The following CNGB3 variants were observed in gnomAD, a reference collection of about 807,000 sequenced individuals.
CNGB3 encodes cyclic nucleotide gated channel subunit beta 3.
Under a neutral mutation model 92.8 loss-of-function variants are expected in CNGB3, and 86 were observed. That is an observed-to-expected ratio of 0.93 (90% CI 0.78 to 1.11). The LOEUF (loss-of-function observed/expected upper bound fraction) is 1.11. CNGB3 is among the 50% of genes least tolerant of loss of function. The pLI is 0.00. For synonymous variants in CNGB3, 333 were observed against 332.7 expected, an observed-to-expected ratio of 1.00 and a Z score of -0.01; for missense variants, 1,026 against 956.8, an observed-to-expected ratio of 1.07 and a Z score of -0.95.
intron 3 of CNGB3, among the ~76,000 whole-genome samples, chr8:86,700,500 G>A (rs781730303): frequency 2.0e-5 from 3 of 152,064 alleles, no homozygotes; most frequent in Non-Finnish European, 4.4e-5. Context: ...AATGTCTCTT[G>A]GTTACAATTA....
At chr8:86,697,265 C>G (rs187615888) in intron 3 of CNGB3, among the ~76,000 whole-genome samples, 86 of 152,288 alleles carry the variant, frequency 5.6e-4, no homozygotes, top group African/African-American at 2.0e-3. Context: ...CAATTTACTA[C>G]TCTTTATTCC....
intron 14 of CNGB3, 79 bp from the exon 15 acceptor site, chr8:86,604,290 T>G: frequency 1.1e-6 from 1 of 912,212 alleles, no homozygotes; most frequent in South Asian, 1.4e-5. Context: ...ATATAAATTC[T>G]TTTAGAGGAG....
intron 7 of CNGB3, among the ~76,000 whole-genome samples, chr8:86,648,382 A>T (rs1389981028): frequency 2.0e-5 from 3 of 151,186 alleles, no homozygotes; most frequent in Admixed American, 6.6e-5. Context: ...ACTCTTGTCT[A>T]CTTCGAACCA....
At chr8:86,661,744 A>G in intron 6 of CNGB3, 3 of 1,581,936 alleles carry the variant, frequency 1.9e-6, no homozygotes, top group Non-Finnish European at 2.6e-6. Context: ...CTAGCATCTC[A>G]AACATCCAGG....
intron 7 of CNGB3, among the ~76,000 whole-genome samples, chr8:86,651,548 C>A (rs1823403889): frequency 6.6e-6 from 1 of 151,820 alleles, no homozygotes; most frequent in Non-Finnish European, 1.5e-5. Flanking sequence ...AGCAGATACA[C>A]TGTTGACATA....
chr8:86,692,006 G>T (rs1408387813), intron 3 of CNGB3, among the ~76,000 whole-genome samples: 5 of 152,090 alleles, frequency 3.3e-5, no homozygotes, highest in Admixed American at 2.6e-4. Flanking sequence ...AGGAACAGGT[G>T]ATTTAATTTT....
chr8:86,611,380 C>T (rs555182586), intron 14 of CNGB3, among the ~76,000 whole-genome samples: 13 of 152,226 alleles, frequency 8.5e-5, no homozygotes, highest in Admixed American at 7.8e-4. Context: ...CACTTCTATC[C>T]TATAATATAA....
In CNGB3 at chr8:86,574,854, C is replaced by T. The variant is rs1328327749; in HGVS notation, c.*950G>A. 6.6e-6 allele frequency: 1 copy of T among 152,156 alleles called. No homozygotes were observed. The highest frequency in any genetic ancestry group is 3.2e-3 in the Middle Eastern group (1 of 316). 9.4% of individuals were successfully genotyped at this position (152,156 alleles called of 1,614,324 possible). A position where few individuals can be genotyped will look rare whatever the true frequency, so the allele number is the denominator to read the frequency against. ...CTTGGAGATTTTGTAAACAGCTATA[C>T]ATGTAGGTTCCGGAAATTGTGGGGA... is the stretch of plus-strand genomic sequence containing the variant. On this transcript the variant is annotated 3_prime_UTR_variant, in exon 18 of 18. Transcript: ENST00000320005.
intron 15 of CNGB3, chr8:86,594,605 G>C (rs577602066): frequency 4.2e-6 from 1 of 240,756 alleles, no homozygotes; most frequent in Non-Finnish European, 8.2e-6. Context: ...GATGCAAAGC[G>C]CAGGGCAGCG....
intron 14 of CNGB3, among the ~76,000 whole-genome samples, chr8:86,610,798 G>GAAATATGC (rs1234121126): frequency 6.6e-6 from 1 of 152,088 alleles, no homozygotes; most frequent in Non-Finnish European, 1.5e-5. Context: ...TTAGTGATCA[G>GAAATATGC]AAATATGCAA....
intron 2 of CNGB3, among the ~76,000 whole-genome samples, chr8:86,739,096 G>A (rs1179413854): frequency 1.3e-5 from 2 of 152,136 alleles, no homozygotes; most frequent in Non-Finnish European, 2.9e-5. Context: ...TGTACATCTA[G>A]TGATGAGTTG....
chr8:86,689,258 T>C (rs909871130), intron 3 of CNGB3, among the ~76,000 whole-genome samples: 2 of 151,902 alleles, frequency 1.3e-5, no homozygotes, highest in Admixed American at 6.6e-5. Context: ...TCTGTAGCCA[T>C]TGGATGAACT....
At chr8:86,594,695 T>TTTGTTTGTTTGTTTGTTTG (rs1563719898) in intron 15 of CNGB3, 1 of 166,058 alleles carries the variant, frequency 6.0e-6, no homozygotes, top group African/African-American at 2.4e-5. Flanking sequence ...TAGACAGCTT[T>TTTGTTTGTTTGTTTGTTTG]TTTGTTTGTT....
At chr8:86,695,888 G>A (rs548354267) in intron 3 of CNGB3, among the ~76,000 whole-genome samples, 1 of 152,226 alleles carries the variant, frequency 6.6e-6, no homozygotes, top group East Asian at 1.9e-4. Context: ...GGCTTCCTGA[G>A]AGCTAGACCA....
intron 15 of CNGB3, among the ~76,000 whole-genome samples, chr8:86,594,862 C>T (rs1822135285): frequency 6.6e-6 from 1 of 152,152 alleles, no homozygotes; most frequent in South Asian, 2.1e-4. Context: ...GCACGTGCCA[C>T]CACGCCCAGC....
intron 15 of CNGB3, among the ~76,000 whole-genome samples, chr8:86,589,669 T>C (rs550071313): frequency 6.6e-6 from 1 of 152,394 alleles, no homozygotes; most frequent in East Asian, 1.9e-4. Context: ...TTCTTAGTCC[T>C]GAGTTCTAGT....
intron 3 of CNGB3, among the ~76,000 whole-genome samples, chr8:86,715,653 C>T (rs984483649): frequency 5.9e-5 from 9 of 152,030 alleles, no homozygotes; most frequent in African/African-American, 1.9e-4. Flanking sequence ...AAGATGAAAT[C>T]TGAATTGCCA....
chr8:86,622,393 G>C (rs976451225), intron 13 of CNGB3, among the ~76,000 whole-genome samples: 3 of 89,816 alleles, frequency 3.3e-5, no homozygotes, highest in African/African-American at 1.2e-4. Flanking sequence ...TTTTTTTTTT[G>C]AAAATGGAGT....
At chr8:86,599,310 A>G (rs1822240642) in intron 15 of CNGB3, among the ~76,000 whole-genome samples, 1 of 152,072 alleles carries the variant, frequency 6.6e-6, no homozygotes, top group Non-Finnish European at 1.5e-5. Context: ...ATCTTCGTAA[A>G]CTGAGGAGGA....
Sources: gnomAD v4.1 joint callset for allele counts (sites outside exome capture counted in the v4.1 genomes callset) on GRCh38, gnomAD v4.1.1 for gene constraint, MANE v1.5 for transcripts, NCBI Gene and HGNC (gene_info 2026-07-23, HGNC 2026-07-21) for gene names.